Variants in PLCZ1 observed in about 807,000 individuals in gnomAD.
PLCZ1 encodes phospholipase C zeta 1.
In PLCZ1, 64 loss-of-function variants were observed where a neutral mutation model predicts 76.8. The observed-to-expected ratio is 0.83, with a 90% CI of 0.68 to 1.03. The LOEUF (loss-of-function observed/expected upper bound fraction) is 1.03, where lower values mean the gene tolerates loss of function less well. Among genes scored for constraint, PLCZ1 ranks in the 50% least tolerant of loss-of-function variants. The pLI is 0.00. For synonymous variants in PLCZ1, 248 were observed against 230.8 expected (o/e 1.07, Z -0.68); for missense variants, 751 against 713.7 (o/e 1.05, Z -0.60).
chr12:18,667,346 A>G, the PLCZ1 span, among the ~76,000 whole-genome samples: 1 of 152,180 alleles, frequency 6.6e-6, no homozygotes, highest in African/African-American at 2.4e-5. Flanking sequence ...ACAGTCATCA[A>G]CTTTTAACTG....
chr12:18,686,545 T>G lies in PLCZ1; in HGVS notation c.1591+1544A>C, dbSNP rs145629584. Among the ~76,000 whole-genome samples, 10 of 152,090 alleles carry G rather than the reference T, an allele frequency of 6.6e-5. No homozygotes were observed. In the East Asian group the frequency reaches 1.9e-3, roughly 29 times the overall value. On this transcript the variant is annotated intron_variant, in intron 13 of 14. Transcript: ENST00000266505. ...TCTCTGGTATGTTTAAATTGTATTT[T>G]CTTCATATTTTAAGACTTATATTAT...
intron 4 of PLCZ1, among the ~76,000 whole-genome samples, chr12:18,722,789 A>T (rs1309554323): frequency 6.6e-6 from 1 of 152,084 alleles, no homozygotes; most frequent in Non-Finnish European, 1.5e-5. Flanking sequence ...AACAAGCGAA[A>T]AGTATATATA....
chr12:18,728,317 TA>T (rs1392291935), intron 3 of PLCZ1, among the ~76,000 whole-genome samples: 1 of 152,182 alleles, frequency 6.6e-6, no homozygotes, highest in Non-Finnish European at 1.5e-5. Context: ...AAGCTAACAA[TA>T]ACTTCCTTAT....
chr12:18,648,027 G>C, the PLCZ1 span: 24,883 of 1,581,494 alleles, frequency 0.016, 248 homozygotes, highest in Non-Finnish European at 0.019. Context: ...AGTATAATTT[G>C]ACCATTGCTA....
At chr12:18,709,433 T>C (rs572872449) in intron 6 of PLCZ1, among the ~76,000 whole-genome samples, 1 of 152,306 alleles carries the variant, frequency 6.6e-6, no homozygotes, top group African/African-American at 2.4e-5. Context: ...TGTAACATAA[T>C]TTTAAATCAG....
At position 18,696,202 on chromosome 12, in the gene PLCZ1, TG is replaced by T; in HGVS notation, c.1238del (p.Ala413GlufsTer14). 6.2e-7 allele frequency: 1 copy of T among 1,601,520 alleles called. No individual in the cohort carries two copies. The highest frequency in any genetic ancestry group is 8.5e-7 in the Non-Finnish European group (1 of 1,171,326). ...ITRIYPKATR[A>X]DSSNFNPQEF... Reference sequence around the variant, plus strand: ...CTTGGGGATTAAAATTAGAAGAGTCTGCTCTTGTTGCTTTGGGATATATTCT... The same window carrying T: ...CTTGGGGATTAAAATTAGAAGAGTCTCTCTTGTTGCTTTGGGATATATTCT... On this transcript the variant is annotated frameshift_variant, in exon 11 of 15. Transcript: ENST00000266505. LOFTEE classifies it high-confidence loss of function.
intron 13 of PLCZ1, among the ~76,000 whole-genome samples, chr12:18,686,485 T>C (rs1294367456): frequency 1.3e-5 from 2 of 151,400 alleles, no homozygotes; most frequent in Admixed American, 1.3e-4. Context: ...CATGTTTAAA[T>C]TGTGTTTTCT....
intron 12 of PLCZ1, among the ~76,000 whole-genome samples, chr12:18,689,550 C>T (rs1953741881): frequency 6.6e-6 from 1 of 152,118 alleles, no homozygotes; most frequent in Non-Finnish European, 1.5e-5. Flanking sequence ...AAATATTGGA[C>T]ACCCCTGGTT....
chr12:18,676,432 C>T, the PLCZ1 span, among the ~76,000 whole-genome samples: 1 of 152,062 alleles, frequency 6.6e-6, no homozygotes, highest in Admixed American at 6.6e-5. Context: ...TACATTGACC[C>T]CTTGCTTCTT....
At chr12:18,669,803 G>A in the PLCZ1 span, among the ~76,000 whole-genome samples, 19 of 152,052 alleles carry the variant, frequency 1.2e-4, no homozygotes, top group Non-Finnish European at 2.5e-4. Flanking sequence ...GATTACAGGC[G>A]TGTGCCACCA....
rs572842679 is a variant in PLCZ1 at position 18,725,834 on chromosome 12, T to C, written c.136-2292A>G. Among the ~76,000 whole-genome samples the C allele has an allele frequency of 4.7e-4, 72 of 152,208 alleles. No individual in the cohort carries two copies. The South Asian group carries it at 0.014, about 30-fold the overall frequency. ...TCCTTCTTTCTGTTTAAATTACCAA[T>C]TTCTACTAATCCTTGAAAAAGTGTC... is the stretch of plus-strand genomic sequence containing the variant. On this transcript the variant is annotated intron_variant, in intron 3 of 14. Transcript: ENST00000266505.
At chr12:18,699,369 G>T (rs971234892) in intron 10 of PLCZ1, among the ~76,000 whole-genome samples, 1 of 152,164 alleles carries the variant, frequency 6.6e-6, no homozygotes, top group East Asian at 1.9e-4. Flanking sequence ...CCCTTTGGCT[G>T]CTATCAGAGG....
chr12:18,690,293 G>A (rs111329947), intron 12 of PLCZ1, among the ~76,000 whole-genome samples: 3,146 of 152,062 alleles, frequency 0.021, 63 homozygotes, highest in Middle Eastern at 0.051. Flanking sequence ...GTGCGACCTC[G>A]GCTCACTGCA....
intron 2 of PLCZ1, 135 bp downstream of exon 2, chr12:18,737,226 C>A (rs1959447330): frequency 1.1e-6 from 1 of 951,152 alleles, no homozygotes. Flanking sequence ...AAGCTCAGAA[C>A]AAACAGGGAA....
At chr12:18,734,822 G>C (rs1959184951) in intron 3 of PLCZ1, among the ~76,000 whole-genome samples, 1 of 152,180 alleles carries the variant, frequency 6.6e-6, no homozygotes, top group Non-Finnish European at 1.5e-5. Context: ...GAAGTGGTGA[G>C]AGTGGGCATC....
chr12:18,706,607 T>A (rs779442734), intron 6 of PLCZ1, among the ~76,000 whole-genome samples: 1 of 152,190 alleles, frequency 6.6e-6, no homozygotes. Flanking sequence ...TGCCATTAAA[T>A]AGGGAACAAA....
intron 5 of PLCZ1, chr12:18,713,752 C>T (rs1339637031): frequency 2.0e-5 from 3 of 152,168 alleles, no homozygotes; most frequent in Non-Finnish European, 4.4e-5. Context: ...AATACAAGTT[C>T]ACAGCTTTAT....
At chr12:18,713,108 T>G (rs1445620567) in intron 5 of PLCZ1, 122 bp from the exon 6 acceptor site, 1 of 1,327,998 alleles carries the variant, frequency 7.5e-7, no homozygotes, top group African/African-American at 1.5e-5. Flanking sequence ...TCCATAAAAC[T>G]CTATAAAAAC....
At chr12:18,652,286 A>T in the PLCZ1 span, among the ~76,000 whole-genome samples, 1 of 152,150 alleles carries the variant, frequency 6.6e-6, no homozygotes, top group Non-Finnish European at 1.5e-5. Context: ...TGATATACTT[A>T]TGAAAGGGAG....
Sources: allele counts gnomAD v4.1 joint callset (sites outside exome capture counted in the v4.1 genomes callset), GRCh38; gene constraint gnomAD v4.1.1; transcripts MANE v1.5; gene names NCBI Gene and HGNC (gene_info 2026-07-23, HGNC 2026-07-21).